Variants in SPG11 observed in about 807,000 individuals in gnomAD.
SPG11 encodes the protein SPG11 vesicle trafficking associated, spatacsin, also known as spatacsin.
In SPG11, 222 loss-of-function variants were observed where a neutral mutation model predicts 274.0. The ratio of observed to expected loss-of-function variants is 0.81; its 90% CI spans 0.73 to 0.91. SPG11 has a LOEUF of 0.91. Among genes scored for constraint, SPG11 ranks in the 40% least tolerant of loss-of-function variants. SPG11 has a pLI of 0.00. For missense variants in SPG11, 3,114 were observed against 2,872.7 expected (o/e 1.08, Z -1.92); for synonymous variants, 1,144 against 1,039.7 (o/e 1.10, Z -1.93).
At chr15:44,625,633 A>C (rs1475214944) in intron 11 of SPG11, among the ~76,000 whole-genome samples, 1 of 151,276 alleles carries the variant, frequency 6.6e-6, no homozygotes. Context: ...AGCCAATTAA[A>C]CCTCTTTTCT....
intron 19 of SPG11, among the ~76,000 whole-genome samples, chr15:44,607,159 G>A (rs1212280285): frequency 6.6e-6 from 1 of 152,182 alleles, no homozygotes; most frequent in Non-Finnish European, 1.5e-5. Context: ...ATATTTTGGT[G>A]CATACTAATC....
At chr15:44,591,269 C>T (rs1029190134) in intron 27 of SPG11, among the ~76,000 whole-genome samples, 4 of 152,180 alleles carry the variant, frequency 2.6e-5, no homozygotes, top group African/African-American at 9.7e-5. Context: ...GACACTGTTC[C>T]TGAATGTTTT....
chr15:44,583,670 T>C (rs1002395736), intron 30 of SPG11, 144 bp downstream of exon 30: 22 of 899,710 alleles, frequency 2.4e-5, no homozygotes, highest in African/African-American at 3.3e-5. Flanking sequence ...GCCTAGTTAA[T>C]TGGCTAGTCT....
Position 44,598,381 on chromosome 15 carries a change from A to T in SPG11, c.3893-8T>A, listed in dbSNP as rs2083098521. The T allele has an allele frequency of 1.2e-6, 2 of 1,609,030 alleles. No homozygotes were observed. Among genetic ancestry groups the T allele is most frequent in the African/African-American group, 2.7e-5 (2 of 74,962 alleles). On this transcript the variant is annotated splice_region_variant and splice_polypyrimidine_tract_variant and intron_variant, in intron 22 of 39. Transcript: ENST00000261866. ...GTTTAGATAGTTTTTCGGCTGTAAG[A>T]AATATAAACAACAAAATATGGTGAA...
At position 44,563,188 on chromosome 15, in the gene SPG11, TC is replaced by T; in HGVS notation, c.7264del (p.Glu2422LysfsTer3). On this transcript the variant is annotated frameshift_variant, in exon 40 of 40. Coordinates refer to ENST00000261866, the MANE Select transcript of SPG11 (RefSeq NM_025137.4). LOFTEE classifies it high-confidence loss of function. ...YKLAYEHKFY[E>X]IVNVLLKDPQ... is the part of the protein sequence containing the mutation. ...GTCCTTCAGAAGCACATTTACAATT[TC>T]ATAAAACTTGTGTTCGTATGCCAAC... is the stretch of plus-strand genomic sequence containing the variant. The T allele has an allele frequency of 1.2e-6, 2 of 1,614,226 alleles. No individual in the cohort carries two copies. Among genetic ancestry groups the T allele is most frequent in the Middle Eastern group, 1.6e-4 (1 of 6,062 alleles).
rs201878138 is a variant in SPG11, at chr15:44,663,374, T to A, written c.257+17A>T. The A allele has an allele frequency of 8.1e-6, 13 of 1,603,794 alleles. No individual in the cohort carries two copies. The highest frequency in any genetic ancestry group is 8.5e-7 in the Non-Finnish European group (1 of 1,176,014). On this transcript the variant is annotated intron_variant, in intron 1 of 39. Coordinates refer to ENST00000261866, the MANE Select transcript of SPG11 (RefSeq NM_025137.4). The stretch of plus-strand genomic sequence containing the variant: ...CTCTGGACTCCCCCAACGGCCCAAC[T>A]CTCCCTCAGCACTTACTGCCAGAAG...
intron 6 of SPG11, 132 bp from the exon 7 acceptor site, chr15:44,649,143 G>T (rs2141099558): frequency 2.7e-6 from 2 of 740,098 alleles, no homozygotes; most frequent in Non-Finnish European, 2.2e-6. Flanking sequence ...TGGATATCAT[G>T]TACTATAATG....
intron 11 of SPG11, among the ~76,000 whole-genome samples, chr15:44,625,290 C>G (rs1031334697): frequency 1.3e-5 from 2 of 152,114 alleles, no homozygotes; most frequent in Non-Finnish European, 2.9e-5. Flanking sequence ...CCTGCCTCAG[C>G]CTTCTGAGTA....
intron 30 of SPG11, among the ~76,000 whole-genome samples, chr15:44,583,021 T>C (rs551270981): frequency 1.3e-5 from 2 of 152,194 alleles, no homozygotes; most frequent in East Asian, 3.9e-4. Flanking sequence ...GCCTAGTCAG[T>C]GCAATAAAGC....
chr15:44,620,625 C>A, intron 14 of SPG11: 1 of 482,410 alleles, frequency 2.1e-6, no homozygotes, highest in Non-Finnish European at 3.7e-6. Flanking sequence ...GCCTCGACCT[C>A]CTGGGCTCAA....
intron 11 of SPG11, among the ~76,000 whole-genome samples, chr15:44,625,217 C>G (rs1409089118): frequency 1.3e-5 from 2 of 151,596 alleles, no homozygotes; most frequent in Non-Finnish European, 1.5e-5. Context: ...GGGTCTTGCT[C>G]TGTTACCAGC....
At chr15:44,593,230 C>G (rs948382760) in intron 26 of SPG11, among the ~76,000 whole-genome samples, 4 of 152,138 alleles carry the variant, frequency 2.6e-5, no homozygotes, top group Admixed American at 6.5e-5. Flanking sequence ...TAGCCTCATT[C>G]TGTCGCCCAG....
intron 32 of SPG11, 51 bp downstream of exon 32, chr15:44,573,496 G>GA: frequency 1.3e-6 from 2 of 1,590,214 alleles, no homozygotes; most frequent in Non-Finnish European, 1.7e-6. Flanking sequence ...TTAACACTGG[G>GA]AACTAGAGAA....
At chr15:44,612,945 C>A (rs146699953) in intron 17 of SPG11, among the ~76,000 whole-genome samples, 194 of 152,256 alleles carry the variant, frequency 1.3e-3, no homozygotes, top group Non-Finnish European at 2.3e-3. Flanking sequence ...GGGTAAGAAG[C>A]CTTTTCTGTC....
chr15:44,620,348 A>G lies in SPG11; in HGVS notation c.2676T>C (p.Asp892=). The G allele has an allele frequency of 6.2e-7, 1 of 1,614,142 alleles. No individual in the cohort carries two copies. Among genetic ancestry groups the G allele is most frequent in the South Asian group, 1.1e-5 (1 of 91,086 alleles). The change falls in exon 15 of 40, where the codon GAT becomes GAC. Residue 892 remains aspartate (D), a synonymous_variant. Transcript: ENST00000261866. ...CAATCCATAAGATAATGTTTAACCAATCATGGCGAGCTGTGAGGTATCTCC... is the reference window on the plus strand; with the variant it reads ...CAATCCATAAGATAATGTTTAACCAGTCATGGCGAGCTGTGAGGTATCTCC... ...ALWRYLTARH[D]WLNIILWIGE...
At chr15:44,572,857 T>C (rs767538196) in intron 32 of SPG11, 37 bp from the exon 33 acceptor site, 17 of 1,613,036 alleles carry the variant, frequency 1.1e-5, no homozygotes, top group Non-Finnish European at 1.4e-5. Flanking sequence ...GCTGGTTTTA[T>C]CTAAGAGAGG....
intron 20 of SPG11, among the ~76,000 whole-genome samples, chr15:44,605,676 T>A (rs1391859804): frequency 6.6e-6 from 1 of 152,212 alleles, no homozygotes; most frequent in Non-Finnish European, 1.5e-5. Context: ...ACCAAGGTCA[T>A]ACAGGTATTA....
chr15:44,614,906 T>C (rs940302927), intron 16 of SPG11, among the ~76,000 whole-genome samples: 2 of 152,222 alleles, frequency 1.3e-5, no homozygotes, highest in Non-Finnish European at 2.9e-5. Flanking sequence ...TACTAATGTA[T>C]TGCTCTCTCT....
chr15:44,650,512 G>A, intron 6 of SPG11, among the ~76,000 whole-genome samples: 1 of 151,804 alleles, frequency 6.6e-6, no homozygotes, highest in East Asian at 1.9e-4. Context: ...AAATTAGCTG[G>A]GAGTGGTGGT....
Sources: allele counts gnomAD v4.1 joint callset (sites outside exome capture counted in the v4.1 genomes callset), GRCh38; gene constraint gnomAD v4.1.1; transcripts MANE v1.5; gene names NCBI Gene and HGNC (gene_info 2026-07-23, HGNC 2026-07-21).